SPSB4: variants seen among roughly 807,000 people sequenced by gnomAD.
SPSB4 encodes the protein SPRY domain-containing SOCS box protein 4.
In SPSB4, 21 loss-of-function variants were observed where a neutral mutation model predicts 20.9. The ratio of observed to expected loss-of-function variants is 1.01; its 90% CI spans 0.71 to 1.45. The LOEUF (loss-of-function observed/expected upper bound fraction) is 1.45, where lower values mean the gene tolerates loss of function less well. Ranked by LOEUF, SPSB4 falls within the 40% of genes most tolerant of loss-of-function variation. SPSB4 has a pLI of 0.00. For synonymous variants in SPSB4, 207 were observed against 183.8 expected, an observed-to-expected ratio of 1.13 and a Z score of -1.02; for missense variants, 399 against 399.2, an observed-to-expected ratio of 1.00 and a Z score of 0.00.
At chr3:141,055,451 G>T (rs1937621093) in intron 1 of SPSB4, among the ~76,000 whole-genome samples, 1 of 152,130 alleles carries the variant, frequency 6.6e-6, no homozygotes, top group Admixed American at 6.5e-5. Context: ...GAGGGCCCCT[G>T]GGTGCCAAGC....
In SPSB4 at chr3:141,071,797, G is replaced by A. The variant is rs534916937; in HGVS notation, c.694+4999G>A. Among the ~76,000 whole-genome samples the A allele has an allele frequency of 1.1e-4, 17 of 152,340 alleles. 1 individual carries two copies. The South Asian group carries it at 1.4e-3, about 13-fold the overall frequency. The stretch of plus-strand genomic sequence containing the variant: ...GAGGGCTTTCCCCCTGCACGGAGCC[G>A]AGGAAGCTGTATTTCCAGACGTCTT... On this transcript the variant is annotated intron_variant, in intron 2 of 2. Coordinates refer to ENST00000310546, the MANE Select transcript of SPSB4 (RefSeq NM_080862.3).
chr3:141,067,950 C>G (rs150646124), intron 2 of SPSB4, among the ~76,000 whole-genome samples: 39 of 152,348 alleles, frequency 2.6e-4, no homozygotes, highest in African/African-American at 9.4e-4. Flanking sequence ...AGCAGAGCTA[C>G]AGAGAGCCAG....
chr3:141,112,365 G>A (rs1181031399), intron 2 of SPSB4, among the ~76,000 whole-genome samples: 1 of 152,214 alleles, frequency 6.6e-6, no homozygotes, highest in Non-Finnish European at 1.5e-5. Context: ...ACAGAAGGAG[G>A]CCGGGCGCGG....
chr3:141,062,483 T>C (rs551909925), intron 1 of SPSB4, among the ~76,000 whole-genome samples: 3 of 152,180 alleles, frequency 2.0e-5, no homozygotes, highest in Admixed American at 6.5e-5. Flanking sequence ...TTATGCTCCA[T>C]TCATTTTTTA....
intron 2 of SPSB4, among the ~76,000 whole-genome samples, chr3:141,102,799 A>T (rs1366076163): frequency 6.6e-6 from 1 of 152,178 alleles, no homozygotes; most frequent in Non-Finnish European, 1.5e-5. Context: ...GGCCCCTTTG[A>T]GATGCCTGGA....
intron 2 of SPSB4, among the ~76,000 whole-genome samples, chr3:141,076,386 A>G (rs1938110909): frequency 6.6e-6 from 1 of 152,274 alleles, no homozygotes; most frequent in Non-Finnish European, 1.5e-5. Flanking sequence ...GTACACGAGT[A>G]AATCCACACT....
rs992871862 is a variant in SPSB4 at position 141,147,619 on chromosome 3, A to C, written c.*350A>C. On this transcript the variant is annotated 3_prime_UTR_variant, in exon 3 of 3. Coordinates refer to ENST00000310546, the MANE Select transcript of SPSB4 (RefSeq NM_080862.3). Reference sequence around the variant, plus strand: ...ATTCAAGAGAATGAATAAAACATTTAGGCAGGAGACTTTCTATTGTGTGCC... The same window carrying C: ...ATTCAAGAGAATGAATAAAACATTTCGGCAGGAGACTTTCTATTGTGTGCC... The C allele has an allele frequency of 1.9e-5, 4 of 208,776 alleles. No homozygotes were observed. Among genetic ancestry groups the C allele is most frequent in the Non-Finnish European group, 3.9e-5 (4 of 102,432 alleles). 12.9% of individuals were successfully genotyped at this position (208,776 alleles called of 1,614,324 possible).
chr3:141,126,734 G>A (rs1939054733), intron 2 of SPSB4, among the ~76,000 whole-genome samples: 1 of 152,230 alleles, frequency 6.6e-6, no homozygotes, highest in African/African-American at 2.4e-5. Flanking sequence ...AGGTCCACGA[G>A]CTGAGTTTGC....
intron 2 of SPSB4, among the ~76,000 whole-genome samples, chr3:141,146,629 G>A (rs1271044724): frequency 6.6e-6 from 1 of 152,090 alleles, no homozygotes; most frequent in Non-Finnish European, 1.5e-5. Context: ...CAAAAAATTA[G>A]CCGGGCTGGT....
chr3:141,144,365 A>C (rs894153940), intron 2 of SPSB4, among the ~76,000 whole-genome samples: 1 of 152,216 alleles, frequency 6.6e-6, no homozygotes, highest in Non-Finnish European at 1.5e-5. Flanking sequence ...ATCTTTAGTC[A>C]AAAAATAGTT....
chr3:141,078,171 C>T (rs1317222878), intron 2 of SPSB4, among the ~76,000 whole-genome samples: 1 of 152,226 alleles, frequency 6.6e-6, no homozygotes, highest in Non-Finnish European at 1.5e-5. Context: ...GGCCTAGCTG[C>T]TTATTCCTCA....
intron 2 of SPSB4, among the ~76,000 whole-genome samples, chr3:141,069,494 A>G (rs1034172485): frequency 6.6e-6 from 1 of 152,180 alleles, no homozygotes; most frequent in Non-Finnish European, 1.5e-5. Context: ...CAGGTCCCCA[A>G]ACTCAGACTT....
intron 1 of SPSB4, among the ~76,000 whole-genome samples, chr3:141,060,240 TG>T (rs1937735929): frequency 6.6e-6 from 1 of 152,192 alleles, no homozygotes; most frequent in Non-Finnish European, 1.5e-5. Context: ...AGGTCTTCCC[TG>T]GGGCTGCTGT....
At chr3:141,135,199 T>A (rs2107805899) in intron 2 of SPSB4, among the ~76,000 whole-genome samples, 1 of 152,188 alleles carries the variant, frequency 6.6e-6, no homozygotes, top group East Asian at 1.9e-4. Flanking sequence ...TGATTCTTTT[T>A]ACTTTATATT....
At chr3:141,081,382 A>G (rs1938226613) in intron 2 of SPSB4, among the ~76,000 whole-genome samples, 1 of 152,134 alleles carries the variant, frequency 6.6e-6, no homozygotes, top group Non-Finnish European at 1.5e-5. Flanking sequence ...CCCCAGAGAG[A>G]GAGCACAGGC....
chr3:141,059,193 G>A lies in SPSB4; in HGVS notation c.-153-6759G>A, dbSNP rs115448164. ...GGCCCCAGGAGGCCTACTGGATCAG[G>A]GCAGGCTTCCTAGAGGAGGTGGAGC... On this transcript the variant is annotated intron_variant, in intron 1 of 2. Transcript: ENST00000310546. Among the ~76,000 whole-genome samples the A allele has an allele frequency of 5.2e-3, 790 of 152,264 alleles. 7 individuals carry two copies. The highest frequency in any genetic ancestry group is 0.018 in the African/African-American group (762 of 41,538).
chr3:141,119,473 A>C (rs1459102370), intron 2 of SPSB4, among the ~76,000 whole-genome samples: 1 of 152,102 alleles, frequency 6.6e-6, no homozygotes, highest in Non-Finnish European at 1.5e-5. Context: ...CTAATTGAAT[A>C]CCCTTTATTT....
chr3:141,124,145 C>T (rs186675930), intron 2 of SPSB4: 3 of 152,382 alleles, frequency 2.0e-5, no homozygotes, highest in Admixed American at 2.0e-4. Flanking sequence ...CCTCCTCTCT[C>T]CCGAACACTG....
intron 2 of SPSB4, among the ~76,000 whole-genome samples, chr3:141,142,083 G>A (rs111678189): frequency 0.018 from 2,761 of 152,194 alleles, 84 homozygotes; most frequent in African/African-American, 0.063. Flanking sequence ...CTTCTGCTGA[G>A]TTTGAGTTTA....
Sources: gnomAD v4.1 joint callset for allele counts (sites outside exome capture counted in the v4.1 genomes callset) on GRCh38, gnomAD v4.1.1 for gene constraint, MANE v1.5 for transcripts, NCBI Gene and HGNC (gene_info 2026-07-23, HGNC 2026-07-21) for gene names.